UBQLN4: variants seen among roughly 807,000 people sequenced by gnomAD.
UBQLN4 encodes ubiquilin-4.
Under a neutral mutation model 60.4 loss-of-function variants are expected in UBQLN4, and 11 were observed. The ratio of observed to expected loss-of-function variants is 0.18; its 90% CI spans 0.11 to 0.30. The LOEUF (loss-of-function observed/expected upper bound fraction) is 0.30. Ranked by LOEUF, UBQLN4 falls within the 10% of genes least tolerant of loss-of-function variation. UBQLN4 has a pLI of 1.00. For synonymous variants in UBQLN4, 258 were observed against 313.1 expected (o/e 0.82, Z 1.86); for missense variants, 417 against 795.5 (o/e 0.52, Z 5.72).
chr1:156,039,936 CAAAAAAAAAA>C (rs34790727), intron 10 of UBQLN4, among the ~76,000 whole-genome samples: 4 of 72,008 alleles, frequency 5.6e-5, no homozygotes, highest in Non-Finnish European at 9.9e-5. Flanking sequence ...GACTCCGTCT[CAAAAAAAAAA>C]AAAAAAAAAA....
intron 10 of UBQLN4, among the ~76,000 whole-genome samples, chr1:156,038,637 A>T (rs1319202328): frequency 6.6e-6 from 1 of 152,108 alleles, no homozygotes; most frequent in Non-Finnish European, 1.5e-5. Context: ...AGCATGGGGG[A>T]CAGAGTGAGA....
intron 10 of UBQLN4, 26 bp downstream of exon 10, chr1:156,041,459 G>A (rs938736247): frequency 6.6e-7 from 1 of 1,518,576 alleles, no homozygotes; most frequent in Admixed American, 2.1e-5. Flanking sequence ...GGTGCTCCCA[G>A]CACCTGCCCC....
At chr1:156,046,455 G>A (rs1262742085) in intron 5 of UBQLN4, among the ~76,000 whole-genome samples, 3 of 151,340 alleles carry the variant, frequency 2.0e-5, no homozygotes, top group Non-Finnish European at 2.9e-5. Flanking sequence ...CTGAGATCAC[G>A]CCATTGCACT....
At chr1:156,042,356 G>A in intron 7 of UBQLN4, 120 bp from the exon 8 acceptor site, 4 of 1,443,366 alleles carry the variant, frequency 2.8e-6, no homozygotes, top group South Asian at 1.5e-5. Flanking sequence ...CTTCTCCGGG[G>A]ATCTCAAAGT....
chr1:156,042,133 C>A lies in UBQLN4; in HGVS notation c.1350+20G>T. ...CTACCCCTTGCCCTCAACCTCCACC[C>A]ATCTAGGCTCCTCACTCACCTGCTG... On this transcript the variant is annotated intron_variant, in intron 8 of 10. Transcript: ENST00000368309. 1 of 1,605,990 alleles carries A rather than the reference C, an allele frequency of 6.2e-7. No homozygotes were observed. The highest frequency in any genetic ancestry group is 1.1e-5 in the South Asian group (1 of 90,108).
Position 156,050,249 on chromosome 1 carries a change from G to C in UBQLN4, c.741+42C>G. The stretch of plus-strand genomic sequence containing the variant: ...AGGAAAGGCTGGGCAGGGCACGGCT[G>C]GGCACCAGTGTCCTCCAGCTCTCCA... On this transcript the variant is annotated intron_variant, in intron 4 of 10. Transcript: ENST00000368309. The surrounding 1 kb of genome is among the most constrained non-coding windows in gnomAD (Gnocchi z 4.6). 1 of 1,523,610 alleles carries C rather than the reference G, an allele frequency of 6.6e-7. No homozygotes were observed. The highest frequency in any genetic ancestry group is 8.8e-7 in the Non-Finnish European group (1 of 1,132,492). 94.4% of individuals were successfully genotyped at this position (1,523,610 alleles called of 1,614,324 possible).
intron 10 of UBQLN4, 117 bp from the exon 11 acceptor site, chr1:156,037,247 G>A: frequency 7.5e-7 from 1 of 1,330,868 alleles, no homozygotes. Flanking sequence ...AATCAGGAGG[G>A]CAGGGAAGAT....
At chr1:156,033,983 C>G (rs1572265292), downstream of UBQLN4, among the ~76,000 whole-genome samples, 1 of 151,870 alleles carries the variant, frequency 6.6e-6, no homozygotes, top group African/African-American at 2.4e-5. Context: ...GGGTTCCAGT[C>G]AGTCTTACTC....
chr1:156,041,205 A>G (rs1282441697), intron 10 of UBQLN4, among the ~76,000 whole-genome samples: 2 of 152,206 alleles, frequency 1.3e-5, no homozygotes, highest in Non-Finnish European at 2.9e-5. Context: ...TCATGAGGCT[A>G]TTGTGAGGAA....
intron 5 of UBQLN4, among the ~76,000 whole-genome samples, chr1:156,045,674 T>C (rs1017835920): frequency 3.9e-5 from 6 of 152,234 alleles, no homozygotes; most frequent in Admixed American, 3.3e-4. Context: ...AAAGTCTACA[T>C]GACATGTGAC....
chr1:156,046,090 C>G (rs962930050), intron 5 of UBQLN4, among the ~76,000 whole-genome samples: 2 of 151,796 alleles, frequency 1.3e-5, no homozygotes, highest in Non-Finnish European at 2.9e-5. Context: ...AGGTGATCCA[C>G]CTGCCTCAGC....
intron 7 of UBQLN4, 57 bp downstream of exon 7, chr1:156,042,716 GC>G: frequency 6.3e-7 from 1 of 1,591,718 alleles, no homozygotes. Flanking sequence ...ACAAGAAACT[GC>G]CCCCAACCAA....
chr1:156,040,612 A>AT (rs977311697), intron 10 of UBQLN4, among the ~76,000 whole-genome samples: 83 of 144,782 alleles, frequency 5.7e-4, no homozygotes, highest in Admixed American at 9.6e-4. Context: ...CGCCTGGCTA[A>AT]TTTTTTTTTT....
chr1:156,049,975 G>A (rs185127551), intron 4 of UBQLN4, among the ~76,000 whole-genome samples: 14 of 152,212 alleles, frequency 9.2e-5, no homozygotes, highest in Admixed American at 2.0e-4. Flanking sequence ...GTCTCAGCTC[G>A]GTGACATTTC....
intron 10 of UBQLN4, among the ~76,000 whole-genome samples, chr1:156,037,612 AAAAC>A (rs1047478969): frequency 3.0e-4 from 46 of 152,314 alleles, no homozygotes; most frequent in Admixed American, 2.4e-3. Flanking sequence ...CAAAAACAAA[AAAAC>A]AAACAAACAA....
At chr1:156,038,813 T>TG (rs949237185) in intron 10 of UBQLN4, among the ~76,000 whole-genome samples, 4 of 7,866 alleles carry the variant, frequency 5.1e-4, no homozygotes, top group African/African-American at 6.7e-4. Flanking sequence ...GGTCTTCTTC[T>TG]TTTTTTTTTT....
In UBQLN4 at chr1:156,036,021, A is replaced by G; in HGVS notation, c.*957T>C. 1.0e-6 allele frequency: 1 copy of G among 985,668 alleles called. No individual in the cohort carries two copies. Among genetic ancestry groups the G allele is most frequent in the Non-Finnish European group, 1.2e-6 (1 of 829,988 alleles). The allele number at this position is 985,668 out of a possible 1,614,324, so 61.1% of individuals were successfully genotyped here. A position where few individuals can be genotyped will look rare whatever the true frequency, so the allele number is the denominator to read the frequency against. ...GGGGACACAAGCAAGACCTGGGTCC[A>G]TGGAAATGTGTGTGTGTGTGCATAT... On this transcript the variant is annotated 3_prime_UTR_variant, in exon 11 of 11. Coordinates refer to ENST00000368309, the MANE Select transcript of UBQLN4 (RefSeq NM_020131.5).
At chr1:156,052,524 A>C (rs1388944667) in intron 1 of UBQLN4, among the ~76,000 whole-genome samples, 1 of 152,132 alleles carries the variant, frequency 6.6e-6, no homozygotes, top group Non-Finnish European at 1.5e-5. Context: ...GGGTTTCACC[A>C]TGTTGGCCAG....
rs1378645312 is a variant in UBQLN4, at chr1:156,053,767, G to T, written c.-66C>A. On this transcript the variant is annotated 5_prime_UTR_variant, in exon 1 of 11. Transcript: ENST00000368309. The stretch of plus-strand genomic sequence containing the variant: ...CCTCCTCCTCCCCGCCCGCCCGGCC[G>T]GCCCGGCTCGGCTTCTGCGCCTCCA... 1.9e-6 allele frequency: 2 copies of T among 1,042,286 alleles called. No individual in the cohort carries two copies. Among genetic ancestry groups the T allele is most frequent in the Non-Finnish European group, 2.5e-6 (2 of 814,246 alleles). The allele number at this position is 1,042,286 out of a possible 1,614,324, so 64.6% of individuals were successfully genotyped here.
Sources: gnomAD v4.1 joint callset for allele counts (sites outside exome capture counted in the v4.1 genomes callset) on GRCh38, gnomAD v4.1.1 for gene constraint, Gnocchi (gnomAD v3.1) non-coding constraint, MANE v1.5 for transcripts, NCBI Gene and HGNC (gene_info 2026-07-23, HGNC 2026-07-21) for gene names.